Variants in NT5DC1 observed in about 807,000 individuals in gnomAD.
The protein encoded by NT5DC1 is 5'-nucleotidase domain containing 1, also known as 5'-nucleotidase domain-containing protein 1.
In NT5DC1, 42 loss-of-function variants were observed where a neutral mutation model predicts 59.4. That is an observed-to-expected ratio of 0.71 (90% CI 0.55 to 0.92). NT5DC1 has a LOEUF of 0.92. Ranked by LOEUF, NT5DC1 falls within the 40% of genes least tolerant of loss-of-function variation. The pLI is 0.00. For synonymous variants in NT5DC1, 172 were observed against 188.1 expected, an observed-to-expected ratio of 0.91 and a Z score of 0.70; for missense variants, 501 against 537.1, an observed-to-expected ratio of 0.93 and a Z score of 0.66.
At chr6:116,173,777 A>G (rs1204777) in intron 6 of NT5DC1, among the ~76,000 whole-genome samples, 99,634 of 152,090 alleles carry the variant, frequency 0.66, 34,550 homozygotes, top group African/African-American at 0.89. Context: ...ATATCACCCT[A>G]ATGTTCACAT....
At chr6:116,125,184 A>G (rs1779257640) in intron 6 of NT5DC1, among the ~76,000 whole-genome samples, 1 of 152,204 alleles carries the variant, frequency 6.6e-6, no homozygotes, top group South Asian at 2.1e-4. Context: ...TTCTTGTTCT[A>G]CTTTTTTCAC....
At chr6:116,194,273 T>C (rs112447794) in intron 6 of NT5DC1, among the ~76,000 whole-genome samples, 41 of 152,202 alleles carry the variant, frequency 2.7e-4, no homozygotes, top group African/African-American at 9.9e-4. Flanking sequence ...AAAATGGAAC[T>C]CTAAAAATAG....
At chr6:116,115,968 C>G (rs975198767) in intron 5 of NT5DC1, among the ~76,000 whole-genome samples, 198 bp downstream of exon 5, 1 of 149,368 alleles carries the variant, frequency 6.7e-6, no homozygotes, top group Non-Finnish European at 1.5e-5. Flanking sequence ...TTTTTTTTCT[C>G]TCAGGAAAAA....
At chr6:116,151,487 T>G (rs1329827175) in intron 6 of NT5DC1, among the ~76,000 whole-genome samples, 5 of 152,228 alleles carry the variant, frequency 3.3e-5, no homozygotes, top group Non-Finnish European at 1.5e-5. Context: ...TTTATTTACT[T>G]GAAATACATT....
chr6:116,134,583 G>C (rs1386459083), intron 6 of NT5DC1, among the ~76,000 whole-genome samples: 1 of 152,182 alleles, frequency 6.6e-6, no homozygotes, highest in Non-Finnish European at 1.5e-5. Flanking sequence ...TTTGCCTCAT[G>C]CTTGTGGATG....
intron 6 of NT5DC1, among the ~76,000 whole-genome samples, chr6:116,123,700 A>G (rs771171282): frequency 1.3e-5 from 2 of 152,212 alleles, no homozygotes; most frequent in Non-Finnish European, 2.9e-5. Context: ...ATGTCTGCCA[A>G]TGGATGATAG....
At chr6:116,229,140 C>T (rs1165107921) in intron 8 of NT5DC1, among the ~76,000 whole-genome samples, 1 of 152,152 alleles carries the variant, frequency 6.6e-6, no homozygotes, top group Non-Finnish European at 1.5e-5. Context: ...ATTTTAGTTA[C>T]TTTTCCAAGC....
intron 6 of NT5DC1, among the ~76,000 whole-genome samples, chr6:116,150,228 G>A (rs1231835005): frequency 6.6e-6 from 1 of 152,072 alleles, no homozygotes; most frequent in Non-Finnish European, 1.5e-5. Context: ...AGCATGCTGA[G>A]GGAGCCCATG....
chr6:116,161,351 AAAT>A (rs946602983), intron 6 of NT5DC1, among the ~76,000 whole-genome samples: 1 of 152,114 alleles, frequency 6.6e-6, no homozygotes, highest in African/African-American at 2.4e-5. Context: ...TAATAATAAA[AAAT>A]AATAATAAAG....
At chr6:116,209,774 G>A (rs1781536262) in intron 6 of NT5DC1, among the ~76,000 whole-genome samples, 1 of 151,842 alleles carries the variant, frequency 6.6e-6, no homozygotes, top group Non-Finnish European at 1.5e-5. Context: ...AAGAACTTCT[G>A]CAGAAATCCT....
At chr6:116,129,958 T>A (rs1042014216) in intron 6 of NT5DC1, among the ~76,000 whole-genome samples, 4 of 152,094 alleles carry the variant, frequency 2.6e-5, no homozygotes, top group African/African-American at 7.2e-5. Context: ...AATACATTTT[T>A]TGGCAAGAAC....
chr6:116,123,637 T>G (rs1779204425), intron 6 of NT5DC1, among the ~76,000 whole-genome samples: 1 of 152,242 alleles, frequency 6.6e-6, no homozygotes. Context: ...CTGTTTCAAC[T>G]TAATGTCTTA....
Position 116,221,067 on chromosome 6 carries a change from A to G in NT5DC1, c.543A>G (p.Ile181Met). The G allele has an allele frequency of 1.3e-6, 2 of 1,496,920 alleles. No homozygotes were observed. The highest frequency in any genetic ancestry group is 1.8e-6 in the Non-Finnish European group (2 of 1,085,274). 92.7% of individuals were successfully genotyped at this position (1,496,920 alleles called of 1,614,324 possible). A position where few individuals can be genotyped will look rare whatever the true frequency, so the allele number is the denominator to read the frequency against. ...KMSAFKENCG[I>M]YFPEIKRDPG... ...TTTATTTTTCAGAAAACTGTGGAAT[A>G]TATTTTCCAGAAATAAAAAGAGATC... The change falls in exon 7 of 12, where the codon ATA becomes ATG. Residue 181 changes from isoleucine to methionine, a missense_variant. By Grantham distance (10) the Ile-to-Met change is conservative. Transcript: ENST00000319550.
At chr6:116,210,344 GA>G (rs1781549236) in intron 6 of NT5DC1, among the ~76,000 whole-genome samples, 1 of 150,990 alleles carries the variant, frequency 6.6e-6, no homozygotes, top group Admixed American at 6.7e-5. Context: ...TCAAACCCCT[GA>G]AATGTAATAA....
intron 6 of NT5DC1, among the ~76,000 whole-genome samples, chr6:116,161,271 G>A (rs1001328007): frequency 3.4e-4 from 52 of 151,726 alleles, no homozygotes; most frequent in South Asian, 2.9e-3. Context: ...CAGTGCACCA[G>A]CATGGCACAT....
intron 8 of NT5DC1, among the ~76,000 whole-genome samples, chr6:116,233,584 T>C (rs1404410025): frequency 6.6e-6 from 1 of 152,232 alleles, no homozygotes; most frequent in Non-Finnish European, 1.5e-5. Flanking sequence ...AATTCGGAAA[T>C]GCTCTCTGGG....
chr6:116,113,875 G>A (rs2114905927), intron 4 of NT5DC1, among the ~76,000 whole-genome samples: 1 of 152,312 alleles, frequency 6.6e-6, no homozygotes, highest in East Asian at 1.9e-4. Context: ...GCCTGAGACA[G>A]CTGACCATGA....
At chr6:116,129,666 G>A (rs939113504) in intron 6 of NT5DC1, among the ~76,000 whole-genome samples, 2 of 152,134 alleles carry the variant, frequency 1.3e-5, no homozygotes, top group Non-Finnish European at 2.9e-5. Context: ...ACTGTGTGCC[G>A]AATAAAGCTC....
At chr6:116,215,012 C>T (rs1351301360) in intron 6 of NT5DC1, among the ~76,000 whole-genome samples, 1 of 152,054 alleles carries the variant, frequency 6.6e-6, no homozygotes. Flanking sequence ...TCATCATTCT[C>T]TGGACACACT....
Sources: gnomAD v4.1 joint callset for allele counts (sites outside exome capture counted in the v4.1 genomes callset) on GRCh38, gnomAD v4.1.1 for gene constraint, MANE v1.5 for transcripts, NCBI Gene and HGNC (gene_info 2026-07-23, HGNC 2026-07-21) for gene names.